Variants in KCNN1 observed in about 807,000 individuals in gnomAD.
KCNN1 encodes the protein potassium calcium-activated channel subfamily N member 1.
A neutral mutation model predicts 44.7 loss-of-function variants in KCNN1; 20 were observed. The ratio of observed to expected loss-of-function variants is 0.45; its 90% CI spans 0.32 to 0.65. The LOEUF (loss-of-function observed/expected upper bound fraction) is 0.65, where lower values mean the gene tolerates loss of function less well. KCNN1 is among the 30% of genes least tolerant of loss of function. The probability of loss-of-function intolerance (pLI) is 0.05; values close to 1 mark genes in which losing one functional copy is unlikely to be tolerated. For synonymous variants in KCNN1, 324 were observed against 341.7 expected (o/e 0.95, Z 0.57); for missense variants, 632 against 785.3 (o/e 0.80, Z 2.33).
At chr19:17,970,252 C>T (rs2384847) in intron 1 of KCNN1, among the ~76,000 whole-genome samples, 4 of 116,372 alleles carry the variant, frequency 3.4e-5, no homozygotes, top group Non-Finnish European at 5.0e-5. Flanking sequence ...GGGACAAGTT[C>T]TGAGACTCAT....
At chr19:17,956,967 G>A (rs1343395093) in intron 2 of KCNN1, among the ~76,000 whole-genome samples, 1 of 151,606 alleles carries the variant, frequency 6.6e-6, no homozygotes. Flanking sequence ...CAGGAGAATC[G>A]CTTGAACCAG....
chr19:17,985,315 C>T lies in KCNN1; in HGVS notation c.921C>T (p.Tyr307=). Reference sequence around the variant, plus strand: ...CTTCCCACTCTGGCTCCCCCAGGTACCACGACAAGCAGGAAGTGACCAGCA... The same window carrying T: ...CTTCCCACTCTGGCTCCCCCAGGTATCACGACAAGCAGGAAGTGACCAGCA... ...AAWTVRVCER[Y]HDKQEVTSNF... is the part of the protein sequence containing the mutation. The change falls in exon 5 of 10, where the codon TAC becomes TAT. Residue 307 remains tyrosine, a synonymous_variant. Coordinates refer to ENST00000684775, the MANE Select transcript of KCNN1 (RefSeq NM_001386974.1). The T allele has an allele frequency of 6.3e-7, 1 of 1,594,858 alleles. No individual in the cohort carries two copies. The highest frequency in any genetic ancestry group is 8.6e-7 in the Non-Finnish European group (1 of 1,169,146).
At position 17,985,462 on chromosome 19, in the gene KCNN1, G is replaced by A. The variant is rs1222917464; in HGVS notation, c.1059+9G>A. On this transcript the variant is annotated intron_variant, in intron 5 of 9. Coordinates refer to ENST00000684775, the MANE Select transcript of KCNN1 (RefSeq NM_001386974.1). ...TGCTCACTGGCATCATGGTAAGGGT[G>A]AGGGTCCATGTGTATGATCCTGGGA... is the stretch of plus-strand genomic sequence containing the variant. 1.3e-6 allele frequency: 2 copies of A among 1,570,774 alleles called. No homozygotes were observed. Among genetic ancestry groups the A allele is most frequent in the Admixed American group, 1.8e-5 (1 of 57,072 alleles).
chr19:17,952,737 A>AT (rs1480264602), intron 1 of KCNN1, among the ~76,000 whole-genome samples: 4 of 151,396 alleles, frequency 2.6e-5, no homozygotes, highest in African/African-American at 9.7e-5. Context: ...TGTGGCGGGG[A>AT]TTCCCTGTGC....
chr19:17,994,250 G>A (rs943631799), intron 9 of KCNN1, among the ~76,000 whole-genome samples: 1 of 151,958 alleles, frequency 6.6e-6, no homozygotes, highest in African/African-American at 2.4e-5. Flanking sequence ...GTTGAGACCA[G>A]CCTGGGCAGC....
In KCNN1 at chr19:17,983,184, G is replaced by T. The variant is rs1233317781; in HGVS notation, c.917+1057G>T. Reference sequence around the variant, plus strand: ...TCTGGGGGACAAAGGGACTTGCCCGGAGCCTTGAGTCCTGGCAGTCTCAGA... The same window carrying T: ...TCTGGGGGACAAAGGGACTTGCCCGTAGCCTTGAGTCCTGGCAGTCTCAGA... On this transcript the variant is annotated intron_variant, in intron 4 of 9. Transcript: ENST00000684775. The surrounding 1 kb of genome is among the most constrained non-coding windows in gnomAD (Gnocchi z 4.5). Among the ~76,000 whole-genome samples, 1 of 152,112 alleles carries T rather than the reference G, an allele frequency of 6.6e-6. No homozygotes were observed. Among genetic ancestry groups the T allele is most frequent in the Non-Finnish European group, 1.5e-5 (1 of 67,992 alleles).
chr19:17,977,112 G>C (rs2032233463), intron 3 of KCNN1, among the ~76,000 whole-genome samples: 1 of 152,102 alleles, frequency 6.6e-6, no homozygotes, highest in Non-Finnish European at 1.5e-5. Context: ...GCGTTAGCAG[G>C]GTTGGTTCCT....
intron 1 of KCNN1, among the ~76,000 whole-genome samples, chr19:17,953,498 A>C (rs552637815): frequency 1.3e-5 from 2 of 152,144 alleles, no homozygotes; most frequent in African/African-American, 4.8e-5. Context: ...CCTGCCCTCC[A>C]TGGGGTGTCC....
At chr19:17,980,477 T>G (rs959769576) in intron 3 of KCNN1, among the ~76,000 whole-genome samples, 11 of 152,082 alleles carry the variant, frequency 7.2e-5, no homozygotes, top group African/African-American at 2.7e-4. Context: ...TGAGTCTGTC[T>G]AGGAGTGGGA....
chr19:17,951,586 G>A (rs910671616), intron 1 of KCNN1, among the ~76,000 whole-genome samples: 3 of 152,148 alleles, frequency 2.0e-5, no homozygotes, highest in African/African-American at 4.8e-5. Context: ...TGCCACCCAA[G>A]CCCGGGCCAG....
intron 1 of KCNN1, among the ~76,000 whole-genome samples, chr19:17,953,753 A>G (rs959968457): frequency 1.3e-5 from 2 of 151,948 alleles, no homozygotes; most frequent in African/African-American, 2.4e-5. Flanking sequence ...ACGTACTGAA[A>G]CCCTGTCTCT....
chr19:17,993,738 G>A lies in KCNN1; in HGVS notation c.1377+179G>A, dbSNP rs1455549180. On this transcript the variant is annotated intron_variant, in intron 9 of 9. Transcript: ENST00000684775. The surrounding 1 kb of genome is among the most constrained non-coding windows in gnomAD (Gnocchi z 4.5). ...AGCCTGGGCAACATGGTGAAATCCC[G>A]TCTCTACAAAAAAAATACAACAATT... is the stretch of plus-strand genomic sequence containing the variant. Among the ~76,000 whole-genome samples the A allele has an allele frequency of 1.3e-5, 2 of 151,474 alleles. No individual in the cohort carries two copies. Among genetic ancestry groups the A allele is most frequent in the Admixed American group, 6.6e-5 (1 of 15,194 alleles).
upstream of KCNN1, among the ~76,000 whole-genome samples, chr19:17,963,315 C>CTT (rs111446729): frequency 4.0e-4 from 54 of 133,850 alleles, no homozygotes; most frequent in Middle Eastern, 4.2e-3. Flanking sequence ...ACCCGGCCAC[C>CTT]TTTTTTTTTT....
chr19:17,987,226 C>T (rs1019932290), intron 5 of KCNN1, among the ~76,000 whole-genome samples: 1 of 152,216 alleles, frequency 6.6e-6, no homozygotes, highest in Non-Finnish European at 1.5e-5. Flanking sequence ...TCTCCTGCTT[C>T]AGCCTCCTGA....
At position 17,974,830 on chromosome 19, in the gene KCNN1, A is replaced by C. The variant is rs1273025831; in HGVS notation, c.403-262A>C. Among the ~76,000 whole-genome samples the C allele has an allele frequency of 6.6e-6, 1 of 152,246 alleles. No homozygotes were observed. The highest frequency in any genetic ancestry group is 2.4e-5 in the African/African-American group (1 of 41,468). On this transcript the variant is annotated intron_variant, in intron 2 of 9. Transcript: ENST00000684775. The surrounding 1 kb of genome is among the most constrained non-coding windows in gnomAD (Gnocchi z 7.3). The stretch of plus-strand genomic sequence containing the variant: ...GAAGCACTGGACACATCTTGCTGTC[A>C]GCCCAGTCCCCAGGAATAAGGACAG...
intron 2 of KCNN1, among the ~76,000 whole-genome samples, chr19:17,957,590 G>A (rs1025324719): frequency 4.6e-5 from 7 of 152,228 alleles, no homozygotes; most frequent in Non-Finnish European, 8.8e-5. Flanking sequence ...AGGTCCTGAG[G>A]TGGGAATGAG....
At chr19:17,987,643 G>A (rs966186867) in intron 5 of KCNN1, among the ~76,000 whole-genome samples, 7 of 151,930 alleles carry the variant, frequency 4.6e-5, no homozygotes, top group Non-Finnish European at 7.4e-5. Context: ...GGTTTCCTCC[G>A]GGAGCCCCTG....
In KCNN1 at chr19:18,000,022, A is replaced by C; in HGVS notation, c.*1616A>C. 1 of 455,942 alleles carries C rather than the reference A, an allele frequency of 2.2e-6. No homozygotes were observed. The highest frequency in any genetic ancestry group is 6.9e-5 in the East Asian group (1 of 14,390). 28.2% of individuals were successfully genotyped at this position (455,942 alleles called of 1,614,324 possible). On this transcript the variant is annotated 3_prime_UTR_variant, in exon 10 of 10. Coordinates refer to ENST00000684775, the MANE Select transcript of KCNN1 (RefSeq NM_001386974.1). ...AGTCTATTTAACCAGAACTCCCTAA[A>C]AAGGGCCAGGCAACTGGTAGGTGCT...
chr19:17,964,496 C>A (rs751522094), upstream of KCNN1, among the ~76,000 whole-genome samples: 2 of 152,276 alleles, frequency 1.3e-5, no homozygotes, highest in Non-Finnish European at 2.9e-5. The surrounding 1 kb of genome is among the most constrained non-coding windows in gnomAD (Gnocchi z 4.3). Flanking sequence ...GCAGAGGACA[C>A]AGCCTGTGCG....
Sources: gnomAD v4.1 joint callset for allele counts (sites outside exome capture counted in the v4.1 genomes callset) on GRCh38, gnomAD v4.1.1 for gene constraint, Gnocchi (gnomAD v3.1) non-coding constraint, MANE v1.5 for transcripts, NCBI Gene and HGNC (gene_info 2026-07-23, HGNC 2026-07-21) for gene names.